C10orf67: variants seen among roughly 807,000 people sequenced by gnomAD.
C10orf67 encodes the protein chromosome 10 open reading frame 67, also known as uncharacterized protein C10orf67, mitochondrial.
A neutral mutation model predicts 35.6 loss-of-function variants in C10orf67; 60 were observed. The ratio of observed to expected loss-of-function variants is 1.68; its 90% CI spans 1.37 to 2.09. C10orf67 has a LOEUF of 2.09. Ranked by LOEUF, C10orf67 falls within the 30% of genes most tolerant of loss-of-function variation. C10orf67 has a pLI of 0.00. For missense variants in C10orf67, 474 were observed against 330.2 expected (o/e 1.44, Z -3.38); for synonymous variants, 167 against 115.8 (o/e 1.44, Z -2.84).
chr10:23,224,594 A>T (rs1005949461), intron 13 of C10orf67, among the ~76,000 whole-genome samples: 1 of 152,186 alleles, frequency 6.6e-6, no homozygotes, highest in Non-Finnish European at 1.5e-5. Context: ...TAAAGGAGGA[A>T]GTTAGAACCC....
intron 2 of C10orf67, among the ~76,000 whole-genome samples, chr10:23,331,775 G>T (rs1275223736): frequency 1.3e-5 from 2 of 152,016 alleles, no homozygotes; most frequent in Non-Finnish European, 2.9e-5. Context: ...AGTAACAGAG[G>T]GCGCATGTGA....
intron 10 of C10orf67, among the ~76,000 whole-genome samples, chr10:23,262,956 T>G (rs763949666): frequency 1.1e-4 from 17 of 152,240 alleles, no homozygotes; most frequent in Non-Finnish European, 2.2e-4. Context: ...GGGTTATCCA[T>G]ATTATAAGAC....
intron 15 of C10orf67, among the ~76,000 whole-genome samples, chr10:23,208,587 G>GA (rs1841220401): frequency 6.6e-6 from 1 of 152,178 alleles, no homozygotes; most frequent in South Asian, 2.1e-4. Context: ...CAGGCACTGA[G>GA]AAAAATCTCT....
At chr10:23,233,155 T>C (rs1376085617) in intron 13 of C10orf67, among the ~76,000 whole-genome samples, 1 of 152,178 alleles carries the variant, frequency 6.6e-6, no homozygotes, top group Non-Finnish European at 1.5e-5. Context: ...AGACTCTGTC[T>C]TTAAAAGAAA....
chr10:23,337,829 C>T (rs1845746252), intron 1 of C10orf67, among the ~76,000 whole-genome samples: 1 of 152,126 alleles, frequency 6.6e-6, no homozygotes, highest in African/African-American at 2.4e-5. Flanking sequence ...ATGGGTTCCT[C>T]ACCAGCTGGT....
chr10:23,319,016 G>A, intron 4 of C10orf67: 1 of 707,852 alleles, frequency 1.4e-6, no homozygotes, highest in Non-Finnish European at 2.6e-6. Flanking sequence ...TCCAATTTTT[G>A]TTTTAGGTTC....
chr10:23,265,113 C>T (rs1246952569), intron 10 of C10orf67, among the ~76,000 whole-genome samples: 1 of 152,240 alleles, frequency 6.6e-6, no homozygotes, highest in African/African-American at 2.4e-5. Flanking sequence ...CAGTTGTCTA[C>T]ACTTCCTAGC....
In C10orf67 at chr10:23,271,566, AC is replaced by A. The variant is rs761946626; in HGVS notation, c.976-4313del. ...AGAGAATAAGAGTTCTAGTTGCTCC[AC>A]ATCCTTGACAACACTTTATATGGTC... On this transcript the variant is annotated intron_variant, in intron 8 of 15. Coordinates refer to ENST00000636213, the MANE Select transcript of C10orf67 (RefSeq NM_001371909.1). Among the ~76,000 whole-genome samples the A allele has an allele frequency of 1.8e-3, 277 of 152,222 alleles. 9 individuals carry two copies. Among genetic ancestry groups the A allele is most frequent in the South Asian group, 8.3e-4 (4 of 4,834 alleles).
chr10:23,334,183 G>T (rs1845585158), intron 1 of C10orf67, among the ~76,000 whole-genome samples: 2 of 152,080 alleles, frequency 1.3e-5, no homozygotes, highest in Non-Finnish European at 2.9e-5. Flanking sequence ...TTTGAGAATT[G>T]TTTCTTTAAG....
chr10:23,339,335 G>A (rs1203823831), intron 1 of C10orf67, among the ~76,000 whole-genome samples: 3 of 142,902 alleles, frequency 2.1e-5, no homozygotes, highest in Non-Finnish European at 3.0e-5. Flanking sequence ...CTGGAACCCA[G>A]AGGATTCTTT....
chr10:23,279,656 T>C (rs991106495), intron 8 of C10orf67, among the ~76,000 whole-genome samples: 8 of 152,188 alleles, frequency 5.3e-5, no homozygotes, highest in African/African-American at 1.9e-4. Context: ...GAGGACCCTC[T>C]CTTTTGTTAA....
At chr10:23,325,720 C>T (rs1290097799) in intron 2 of C10orf67, among the ~76,000 whole-genome samples, 2 of 147,402 alleles carry the variant, frequency 1.4e-5, no homozygotes, top group Non-Finnish European at 3.0e-5. Flanking sequence ...AGTCTCAAGA[C>T]AAAAGATGAT....
intron 1 of C10orf67, 123 bp downstream of exon 1, chr10:23,344,446 G>A: frequency 8.1e-6 from 8 of 982,716 alleles, no homozygotes; most frequent in Non-Finnish European, 1.2e-5. Flanking sequence ...GACTCCCACA[G>A]CCTGGAGGCT....
chr10:23,337,216 G>C (rs751311437), intron 1 of C10orf67, among the ~76,000 whole-genome samples: 2 of 152,226 alleles, frequency 1.3e-5, no homozygotes, highest in Admixed American at 6.5e-5. Context: ...CCACATGGCA[G>C]TCATCATAAA....
At chr10:23,290,000 G>A (rs1564492411) in intron 6 of C10orf67, 42 bp from the exon 7 acceptor site, 2 of 714,508 alleles carry the variant, frequency 2.8e-6, no homozygotes, top group South Asian at 3.0e-5. Context: ...GAAATTACAT[G>A]CTTATGCCCC....
chr10:23,260,556 C>T (rs1325991833), intron 10 of C10orf67, among the ~76,000 whole-genome samples: 1 of 152,168 alleles, frequency 6.6e-6, no homozygotes, highest in Non-Finnish European at 1.5e-5. Context: ...ATGTTAGGAA[C>T]TCTAAAGAAC....
intron 10 of C10orf67, among the ~76,000 whole-genome samples, chr10:23,255,340 T>C (rs1186749751): frequency 2.0e-5 from 3 of 152,232 alleles, no homozygotes; most frequent in Non-Finnish European, 4.4e-5. Flanking sequence ...GGACAAGACT[T>C]TCTTCATTTG....
chr10:23,249,210 C>T (rs1038928164), intron 12 of C10orf67, among the ~76,000 whole-genome samples: 1 of 150,580 alleles, frequency 6.6e-6, no homozygotes, highest in South Asian at 2.1e-4. Flanking sequence ...GGGTAAATCC[C>T]GTAGGGTCAG....
intron 9 of C10orf67, among the ~76,000 whole-genome samples, chr10:23,266,693 G>A (rs1842890981): frequency 6.6e-6 from 1 of 152,036 alleles, no homozygotes; most frequent in Non-Finnish European, 1.5e-5. Context: ...GGAAGCCCCT[G>A]GAATGGTGGG....
Sources: allele counts gnomAD v4.1 joint callset (sites outside exome capture counted in the v4.1 genomes callset), GRCh38; gene constraint gnomAD v4.1.1; transcripts MANE v1.5; gene names NCBI Gene and HGNC (gene_info 2026-07-23, HGNC 2026-07-21).